Variants in SEMA7A observed in about 807,000 individuals in gnomAD.
SEMA7A encodes semaphorin 7A (JohnMiltonHagen blood group).
In SEMA7A, 21 loss-of-function variants were observed where a neutral mutation model predicts 67.5. The ratio of observed to expected loss-of-function variants is 0.31; its 90% CI spans 0.22 to 0.45. SEMA7A has a LOEUF of 0.45. Ranked by LOEUF, SEMA7A falls within the 20% of genes least tolerant of loss-of-function variation. The pLI, the probability that SEMA7A is intolerant of heterozygous loss-of-function variation, is 1.00. For synonymous variants in SEMA7A, 364 were observed against 368.5 expected (o/e 0.99, Z 0.14); for missense variants, 774 against 908.6 (o/e 0.85, Z 1.90).
At chr15:74,417,062 A>G (rs903723040) in intron 6 of SEMA7A, among the ~76,000 whole-genome samples, 2 of 152,112 alleles carry the variant, frequency 1.3e-5, no homozygotes, top group African/African-American at 4.8e-5. Context: ...AACTCAGCAG[A>G]GGATAAACTT....
At chr15:74,433,443 C>T (rs1254644460) in intron 1 of SEMA7A, 34 of 625,650 alleles carry the variant, frequency 5.4e-5, no homozygotes, top group Non-Finnish European at 6.9e-5. Flanking sequence ...GAGAGGGGCC[C>T]GCCCCCTCCC....
intron 1 of SEMA7A, among the ~76,000 whole-genome samples, chr15:74,419,987 A>AC (rs1447875746): frequency 3.3e-5 from 5 of 152,150 alleles, no homozygotes; most frequent in African/African-American, 1.2e-4. Context: ...AATCAGCCAC[A>AC]CCCAGCATCT....
chr15:74,415,665 G>A, intron 8 of SEMA7A, 136 bp downstream of exon 8: 1 of 856,874 alleles, frequency 1.2e-6, no homozygotes, highest in Non-Finnish European at 1.8e-6. Context: ...CCCACACCCA[G>A]CAACAGCCCA....
chr15:74,423,481 C>G lies in SEMA7A; in HGVS notation c.179-4529G>C, dbSNP rs974918431. Among the ~76,000 whole-genome samples the G allele has an allele frequency of 5.3e-5, 8 of 152,160 alleles. No homozygotes were observed. Among genetic ancestry groups the G allele is most frequent in the Non-Finnish European group, 1.2e-4 (8 of 68,022 alleles). Reference sequence around the variant, plus strand: ...GTTTCCAGTACCCATTACCCAGCTGCTTCTCTCCAGGATCACATCCTGGGC... The same window carrying G: ...GTTTCCAGTACCCATTACCCAGCTGGTTCTCTCCAGGATCACATCCTGGGC... On this transcript the variant is annotated intron_variant, in intron 1 of 13. Coordinates refer to ENST00000261918, the MANE Select transcript of SEMA7A (RefSeq NM_003612.5). The surrounding 1 kb of genome is among the most constrained non-coding windows in gnomAD (Gnocchi z 4.1).
Position 74,417,255 on chromosome 15 carries a change from A to G in SEMA7A, c.661+80T>C. 4 of 1,143,588 alleles carry G rather than the reference A, an allele frequency of 3.5e-6. No individual in the cohort carries two copies. The South Asian group carries it at 5.1e-5, about 15-fold the overall frequency. 70.8% of individuals were successfully genotyped at this position (1,143,588 alleles called of 1,614,324 possible). ...CCAGCGGCCCTCAGGGAGCCCTCCC[A>G]GAAACATCAGGATCCCATCTGCCAC... On this transcript the variant is annotated intron_variant, in intron 6 of 13. Transcript: ENST00000261918.
chr15:74,419,176 C>G (rs1337509577), intron 1 of SEMA7A, among the ~76,000 whole-genome samples: 11 of 152,226 alleles, frequency 7.2e-5, no homozygotes, highest in African/African-American at 2.4e-4. Context: ...TCACCCACAG[C>G]ACGGCCCCTC....
Position 74,411,667 on chromosome 15 carries a change from G to C in SEMA7A, c.1466C>G (p.Pro489Arg). The change falls in exon 12 of 14, where the codon CCC becomes CGC. Residue 489 changes from proline to arginine, a missense_variant. By Grantham distance (103) the Pro-to-Arg change is moderately radical. Coordinates refer to ENST00000261918, the MANE Select transcript of SEMA7A (RefSeq NM_003612.5). This position sits in a 1 kb window ranked among gnomAD's most constrained non-coding sequence, Gnocchi z 4.4. ...VSSQWEVSQV[P>R]LDLCEVYGGG... is the part of the protein sequence containing the mutation. The stretch of plus-strand genomic sequence containing the variant: ...GCCATAGACCTCACACAGGTCCAGG[G>C]GCACCTGGCTCACCTCCCACTGGGA... 6.2e-7 allele frequency: 1 copy of C among 1,613,666 alleles called. No individual in the cohort carries two copies. The highest frequency in any genetic ancestry group is 8.5e-7 in the Non-Finnish European group (1 of 1,179,988).
In SEMA7A at chr15:74,423,588, CCT is replaced by C. The variant is rs1325389350; in HGVS notation, c.179-4638_179-4637del. 6.6e-6 allele frequency among the ~76,000 whole-genome samples: 1 copy of C among 152,164 alleles called. No homozygotes were observed. Among genetic ancestry groups the C allele is most frequent in the Non-Finnish European group, 1.5e-5 (1 of 68,038 alleles). ...CTGAATCATCCCTACTCTACCCTTCCCTCTCTTGCTCACTAGGTGCCGAGTCA... is the reference window on the plus strand; with the variant it reads ...CTGAATCATCCCTACTCTACCCTTCCCTCTTGCTCACTAGGTGCCGAGTCA... On this transcript the variant is annotated intron_variant, in intron 1 of 13. Coordinates refer to ENST00000261918, the MANE Select transcript of SEMA7A (RefSeq NM_003612.5). The surrounding 1 kb of genome is among the most constrained non-coding windows in gnomAD (Gnocchi z 4.1).
In SEMA7A at chr15:74,410,407, G is replaced by T; in HGVS notation, c.*217C>A. On this transcript the variant is annotated 3_prime_UTR_variant, in exon 14 of 14. Transcript: ENST00000261918. This position sits in a 1 kb window ranked among gnomAD's most constrained non-coding sequence, Gnocchi z 7.5. ...TCATCGATGCCCCAGCTTCACAGTC[G>T]GTGCCCTCATTCTCAGCCCCTCACC... The T allele has an allele frequency of 1.8e-6, 1 of 563,648 alleles. No homozygotes were observed. The highest frequency in any genetic ancestry group is 3.0e-6 in the Non-Finnish European group (1 of 330,632). 34.9% of individuals were successfully genotyped at this position (563,648 alleles called of 1,614,324 possible).
At chr15:74,413,463 C>T (rs1331129640) in intron 10 of SEMA7A, among the ~76,000 whole-genome samples, 1 of 152,214 alleles carries the variant, frequency 6.6e-6, no homozygotes, top group African/African-American at 2.4e-5. Context: ...GAAGGGAATC[C>T]ATGGCCCAAG....
At chr15:74,431,935 T>C (rs1419921771) in intron 1 of SEMA7A, among the ~76,000 whole-genome samples, 2 of 152,056 alleles carry the variant, frequency 1.3e-5, no homozygotes, top group Non-Finnish European at 2.9e-5. Context: ...GCTACAGCAG[T>C]GAACTGCGGG....
Position 74,417,882 on chromosome 15 carries a change from T to C in SEMA7A, c.460A>G (p.Asn154Asp), listed in dbSNP as rs1596192235. 6.2e-7 allele frequency: 1 copy of C among 1,613,400 alleles called. No individual in the cohort carries two copies. Among genetic ancestry groups the C allele is most frequent in the Non-Finnish European group, 8.5e-7 (1 of 1,180,002 alleles). ...ATGGGGAGCAGCCTTCTCACCAGGT[T>C]CCAGCAGCTGGGGTGCCGGGCGTTG... ...GTNARHPSCW[N>D]LVNGTVVPLG... The change falls in exon 4 of 14, where the codon AAC becomes GAC. Residue 154 changes from asparagine to aspartate, a missense_variant. Coordinates refer to ENST00000261918, the MANE Select transcript of SEMA7A (RefSeq NM_003612.5).
At chr15:74,427,065 T>C (rs2061049681) in intron 1 of SEMA7A, 1 of 267,410 alleles carries the variant, frequency 3.7e-6, no homozygotes, top group South Asian at 1.4e-4. Flanking sequence ...TCTGTGCACA[T>C]GGATCTTACC....
intron 1 of SEMA7A, among the ~76,000 whole-genome samples, chr15:74,433,374 G>A (rs2141296748): frequency 6.6e-6 from 1 of 152,004 alleles, no homozygotes; most frequent in African/African-American, 2.4e-5. Context: ...GGTCCCAGGC[G>A]GGGAAAGGTC....
At chr15:74,412,174 C>G (rs1261212472) in intron 10 of SEMA7A, among the ~76,000 whole-genome samples, 162 bp from the exon 11 acceptor site, 1 of 152,136 alleles carries the variant, frequency 6.6e-6, no homozygotes, top group Admixed American at 6.5e-5. Context: ...ATGTGGGAGC[C>G]TAAGGGCAGC....
chr15:74,415,999 G>C lies in SEMA7A; in HGVS notation c.802-14C>G, dbSNP rs896689584. ...ACCCTGGTCCCCCTGGAAGGGTAGA[G>C]GGGAGAAGAGGCCCCTCAGCACCTG... On this transcript the variant is annotated splice_polypyrimidine_tract_variant and intron_variant, in intron 7 of 13. Transcript: ENST00000261918. 6.2e-6 allele frequency: 10 copies of C among 1,611,930 alleles called. No individual in the cohort carries two copies. Among genetic ancestry groups the C allele is most frequent in the Non-Finnish European group, 8.5e-6 (10 of 1,178,290 alleles).
chr15:74,433,781 GC>G lies in SEMA7A; in HGVS notation c.137del (p.Gly46AlafsTer3). The stretch of plus-strand genomic sequence containing the variant: ...AGATGCGGGGTCCGCTCCTTAGGTG[GC>G]CCTGGGCGGAGGCGGCGGCCGCCCA... ...LLWAAAASAQ[G>X]HLRSGPRIFA... On this transcript the variant is annotated frameshift_variant, in exon 1 of 14. Transcript: ENST00000261918. LOFTEE classifies it high-confidence loss of function. The G allele has an allele frequency of 7.0e-7, 1 of 1,435,504 alleles. No individual in the cohort carries two copies. The highest frequency in any genetic ancestry group is 9.1e-7 in the Non-Finnish European group (1 of 1,098,630). 88.9% of individuals were successfully genotyped at this position (1,435,504 alleles called of 1,614,324 possible).
At chr15:74,431,761 G>A (rs2061090583) in intron 1 of SEMA7A, among the ~76,000 whole-genome samples, 1 of 152,270 alleles carries the variant, frequency 6.6e-6, no homozygotes, top group South Asian at 2.1e-4. Context: ...GGTGGCCCTG[G>A]GGGTGGGGGG....
intron 1 of SEMA7A, among the ~76,000 whole-genome samples, chr15:74,424,585 C>T (rs1340936516): frequency 2.6e-5 from 4 of 152,182 alleles, no homozygotes; most frequent in Admixed American, 6.5e-5. Context: ...CCCATGGCAC[C>T]ACTGTGCTCA....
Sources: gnomAD v4.1 joint callset for allele counts (sites outside exome capture counted in the v4.1 genomes callset) on GRCh38, gnomAD v4.1.1 for gene constraint, Gnocchi (gnomAD v3.1) non-coding constraint, MANE v1.5 for transcripts, NCBI Gene and HGNC (gene_info 2026-07-23, HGNC 2026-07-21) for gene names.